The following IGF2BP2 variants were observed in gnomAD, a reference collection of about 807,000 sequenced individuals.
IGF2BP2 encodes the protein insulin like growth factor 2 mRNA binding protein 2.
Under a neutral mutation model 75.8 loss-of-function variants are expected in IGF2BP2, and 17 were observed. That is an observed-to-expected ratio of 0.22 (90% confidence interval 0.15 to 0.34). IGF2BP2 has a LOEUF of 0.34. Among genes scored for constraint, IGF2BP2 ranks in the 10% least tolerant of loss-of-function variants. IGF2BP2 has a pLI of 1.00. For missense variants in IGF2BP2, 516 were observed against 772.4 expected (o/e 0.67, Z 3.93); for synonymous variants, 288 against 295.6 (o/e 0.97, Z 0.26).
intron 2 of IGF2BP2, among the ~76,000 whole-genome samples, chr3:185,700,280 T>G (rs536642804): frequency 3.9e-5 from 6 of 152,282 alleles, no homozygotes; most frequent in African/African-American, 1.2e-4. Flanking sequence ...GCTCTAGTTT[T>G]CTCAGCTCCT....
intron 2 of IGF2BP2, among the ~76,000 whole-genome samples, chr3:185,755,928 T>C (rs768801612): frequency 2.0e-5 from 3 of 152,274 alleles, no homozygotes; most frequent in Non-Finnish European, 4.4e-5. Flanking sequence ...TTGGAGACTA[T>C]TGGGAAGGGA....
At chr3:185,804,371 G>T (rs998445213) in intron 2 of IGF2BP2, among the ~76,000 whole-genome samples, 4 of 151,780 alleles carry the variant, frequency 2.6e-5, no homozygotes, top group Non-Finnish European at 4.4e-5. Flanking sequence ...GGCAGAGGTT[G>T]CAGTGAGCTG....
chr3:185,712,789 C>T (rs1286821983), intron 2 of IGF2BP2: 3 of 151,628 alleles, frequency 2.0e-5, no homozygotes, highest in Non-Finnish European at 4.4e-5. Flanking sequence ...TTTTTAACAT[C>T]CCAATAAATA....
At chr3:185,718,278 T>A (rs1387825908) in intron 2 of IGF2BP2, 1 of 152,224 alleles carries the variant, frequency 6.6e-6, no homozygotes, top group Admixed American at 6.5e-5. Flanking sequence ...AATCTGGCCC[T>A]GTACAGAAAA....
intron 2 of IGF2BP2, among the ~76,000 whole-genome samples, chr3:185,709,776 A>C (rs1055050841): frequency 6.6e-6 from 1 of 152,198 alleles, no homozygotes; most frequent in African/African-American, 2.4e-5. Flanking sequence ...CTTTCCATGT[A>C]AATCAAAGAG....
At chr3:185,822,004 A>T (rs200749177) in intron 2 of IGF2BP2, among the ~76,000 whole-genome samples, 1 of 116,754 alleles carries the variant, frequency 8.6e-6, no homozygotes. Flanking sequence ...TTTTTAAATT[A>T]AAAAAAAAAC....
intron 2 of IGF2BP2, among the ~76,000 whole-genome samples, chr3:185,797,342 G>A (rs771840027): frequency 2.0e-5 from 3 of 152,128 alleles, no homozygotes; most frequent in Non-Finnish European, 4.4e-5. Context: ...CAGCTAGGCT[G>A]GACCAGGTCT....
At chr3:185,809,442 T>C (rs1739503303) in intron 2 of IGF2BP2, among the ~76,000 whole-genome samples, 1 of 152,184 alleles carries the variant, frequency 6.6e-6, no homozygotes, top group Non-Finnish European at 1.5e-5. Flanking sequence ...TGAAGAAATG[T>C]TATTCCACTA....
intron 2 of IGF2BP2, among the ~76,000 whole-genome samples, chr3:185,809,136 T>C (rs1739459728): frequency 6.6e-6 from 1 of 151,978 alleles, no homozygotes; most frequent in Non-Finnish European, 1.5e-5. Flanking sequence ...TTTTTTCAAA[T>C]AGGTTTTTCT....
intron 2 of IGF2BP2, among the ~76,000 whole-genome samples, chr3:185,807,826 G>A (rs767593691): frequency 1.3e-5 from 2 of 152,182 alleles, no homozygotes; most frequent in Non-Finnish European, 2.9e-5. Context: ...ACATGAGTAA[G>A]CTTAGTAGCC....
chr3:185,658,238 A>G, intron 11 of IGF2BP2, 103 bp downstream of exon 11: 1 of 1,123,636 alleles, frequency 8.9e-7, no homozygotes, highest in Admixed American at 1.7e-5. Flanking sequence ...CCAGAACCAC[A>G]GGAGACAAGA....
rs561302444 is a variant in IGF2BP2 at position 185,647,258 on chromosome 3, C to T, written c.1594-120G>A. 56 of 747,350 alleles carry T rather than the reference C, an allele frequency of 7.5e-5. No homozygotes were observed. In the South Asian group the frequency reaches 8.3e-4, roughly 11 times the overall value. The allele number at this position is 747,350 out of a possible 1,614,324, so 46.3% of individuals were successfully genotyped here. A position where few individuals can be genotyped will look rare whatever the true frequency, so the allele number is the denominator to read the frequency against. ...GGAAGGAGGGGGGCTGGACTCTGCT[C>T]TCCTTTCCTTTTATCAAGGACACCC... On this transcript the variant is annotated intron_variant, in intron 14 of 15. Transcript: ENST00000382199. The surrounding 1 kb of genome is among the most constrained non-coding windows in gnomAD (Gnocchi z 4.9).
intron 2 of IGF2BP2, among the ~76,000 whole-genome samples, chr3:185,762,366 TAA>T (rs529395141): frequency 1.8e-4 from 19 of 105,426 alleles, no homozygotes; most frequent in Admixed American, 3.0e-4. Context: ...AGGCTTTACT[TAA>T]AAAAAAAAAA....
intron 2 of IGF2BP2, among the ~76,000 whole-genome samples, chr3:185,773,590 C>A (rs1266471622): frequency 6.6e-6 from 1 of 152,044 alleles, no homozygotes; most frequent in African/African-American, 2.4e-5. Context: ...AAATTTCCTA[C>A]ATAAAAACTA....
At chr3:185,820,243 C>T (rs942188890) in intron 2 of IGF2BP2, among the ~76,000 whole-genome samples, 108 of 68,518 alleles carry the variant, frequency 1.6e-3, no homozygotes, top group African/African-American at 1.9e-3. Context: ...CATACACACA[C>T]ACACACACAC....
At chr3:185,779,285 T>C (rs1289811397) in intron 2 of IGF2BP2, among the ~76,000 whole-genome samples, 1 of 152,168 alleles carries the variant, frequency 6.6e-6, no homozygotes, top group East Asian at 1.9e-4. Flanking sequence ...TTTCTTCTAT[T>C]TTCAAAGTGT....
intron 2 of IGF2BP2, among the ~76,000 whole-genome samples, 188 bp from the exon 3 acceptor site, chr3:185,698,535 G>A (rs58542152): frequency 6.6e-5 from 10 of 152,064 alleles, no homozygotes; most frequent in African/African-American, 1.7e-4. Context: ...CCAGAGTCTC[G>A]CTCTGTCGCC....
intron 2 of IGF2BP2, among the ~76,000 whole-genome samples, chr3:185,765,616 C>T (rs1732933904): frequency 6.6e-6 from 1 of 152,204 alleles, no homozygotes; most frequent in Admixed American, 6.5e-5. Context: ...AAAGGTCCAT[C>T]TATTAATACA....
intron 12 of IGF2BP2, 35 bp downstream of exon 12, chr3:185,657,251 T>C (rs757213197): frequency 1.2e-5 from 17 of 1,464,274 alleles, no homozygotes; most frequent in Admixed American, 3.4e-5. Context: ...GAGGAGGTGG[T>C]AGAAGGGCCA....
Sources: gnomAD v4.1 joint callset for allele counts (sites outside exome capture counted in the v4.1 genomes callset) on GRCh38, gnomAD v4.1.1 for gene constraint, Gnocchi (gnomAD v3.1) non-coding constraint, MANE v1.5 for transcripts, NCBI Gene and HGNC (gene_info 2026-07-23, HGNC 2026-07-21) for gene names.